CT45A1: variants seen among roughly 807,000 people sequenced by gnomAD.
CT45A1 encodes cancer/testis antigen family 45 member A1, also known as cancer/testis antigen 45-1.
chrX:135,713,672 C>T lies in CT45A1; in HGVS notation c.-25C>T. The T allele has an allele frequency of 1.5e-5, 11 of 748,854 alleles. No individual in the cohort carries two copies. In the South Asian group the frequency reaches 7.6e-4, roughly 52 times the overall value. 61.7% of individuals were successfully genotyped at this position (748,854 alleles called of 1,213,427 possible). The stretch of plus-strand genomic sequence containing the variant: ...TTCACTGCCATTTTGTGAGGTGCTG[C>T]TGTCTCTCCTCCAGCAAGGTCAGGA... On this transcript the variant is annotated 5_prime_UTR_variant, in exon 1 of 5. Coordinates refer to ENST00000594565, the MANE Select transcript of CT45A1 (RefSeq NM_001017417.3).
At chrX:135,715,234 TTA>T (rs1190023304) in intron 1 of CT45A1, among the ~76,000 whole-genome samples, 3 of 70,290 alleles carry the variant, frequency 4.3e-5, no homozygotes, top group Admixed American at 2.0e-4. Flanking sequence ...TATATAATAC[TTA>T]TATATATAAT....
chrX:135,712,343 T>G (rs1323342272), upstream of CT45A1, among the ~76,000 whole-genome samples: 1 of 107,099 alleles, frequency 9.3e-6, no homozygotes, highest in Non-Finnish European at 1.9e-5. Context: ...TTGTATCTTG[T>G]GTACAGACGG....
At chrX:135,711,162 A>C (rs2883204), upstream of CT45A1, among the ~76,000 whole-genome samples, 10 of 111,930 alleles carry the variant, frequency 8.9e-5, no homozygotes, top group South Asian at 3.7e-4. Context: ...TCAAATACTC[A>C]TATGAGTACT....
At chrX:135,717,892 A>G (rs2088001333) in intron 1 of CT45A1, among the ~76,000 whole-genome samples, 1 of 111,872 alleles carries the variant, frequency 8.9e-6, no homozygotes, top group Non-Finnish European at 1.9e-5. Context: ...ATTTCTTTCC[A>G]AATTTTAAAC....
chrX:135,718,286 G>A lies in CT45A1; in HGVS notation c.-6-649G>A, dbSNP rs1193144667. 7.2e-5 allele frequency among the ~76,000 whole-genome samples: 8 copies of A among 110,712 alleles called. No individual in the cohort carries two copies. In the East Asian group the frequency reaches 8.5e-4, roughly 12 times the overall value. On this transcript the variant is annotated intron_variant, in intron 1 of 4. Transcript: ENST00000594565. The stretch of plus-strand genomic sequence containing the variant: ...ATGTATGTCCTTTTTAAGTACTATT[G>A]CATTTTATTTGCTCACCCTTAGTTT...
chrX:135,712,911 TTTC>T (rs1556570011), upstream of CT45A1, among the ~76,000 whole-genome samples: 13 of 108,007 alleles, frequency 1.2e-4, no homozygotes, highest in Non-Finnish European at 2.3e-4. Flanking sequence ...TTCTTCTTTC[TTTC>T]TTTCTTTTCT....
Position 135,715,265 on chromosome X carries a change from CTT to C in CT45A1, c.-7+1576_-7+1577del, listed in dbSNP as rs1491250430. 3.7e-3 allele frequency among the ~76,000 whole-genome samples: 303 copies of C among 80,893 alleles called. 4 individuals are homozygous for C. Among genetic ancestry groups the C allele is most frequent in the African/African-American group, 0.013 (266 of 21,042 alleles). 70.2% of individuals were successfully genotyped at this position (80,893 alleles called of 115,157 possible). ...ATATAATACTTATATATATATAATA[CTT>C]ATATATATATAATACTTATATATAT... On this transcript the variant is annotated intron_variant, in intron 1 of 4. Coordinates refer to ENST00000594565, the MANE Select transcript of CT45A1 (RefSeq NM_001017417.3).
chrX:135,712,933 CTTT>C (rs1192137434), upstream of CT45A1, among the ~76,000 whole-genome samples: 1 of 81,918 alleles, frequency 1.2e-5, no homozygotes, highest in African/African-American at 4.7e-5. Flanking sequence ...CTTTTCTTTT[CTTT>C]TTTTCTTTCT....
chrX:135,719,286 T>C (rs1324616555), intron 2 of CT45A1, among the ~76,000 whole-genome samples, 177 bp downstream of exon 2: 3 of 19,191 alleles, frequency 1.6e-4, no homozygotes, highest in Non-Finnish European at 9.8e-5. Context: ...TCCGACAATC[T>C]TTTTTTTTTT....
intron 1 of CT45A1, among the ~76,000 whole-genome samples, chrX:135,715,857 C>G (rs1424780689): frequency 3.8e-5 from 4 of 105,601 alleles, no homozygotes; most frequent in Non-Finnish European, 7.7e-5. Context: ...TCCCCAGCCC[C>G]CCTCCCCCAA....
At chrX:135,711,909 T>C (rs75109436), upstream of CT45A1, among the ~76,000 whole-genome samples, 3 of 110,065 alleles carry the variant, frequency 2.7e-5, no homozygotes, top group African/African-American at 9.9e-5. Flanking sequence ...GGTGAAACAC[T>C]GTCTCTACTA....
At chrX:135,712,982 C>CCTTCCT (rs1556570113), upstream of CT45A1, among the ~76,000 whole-genome samples, 21 of 7,489 alleles carry the variant, frequency 2.8e-3, no homozygotes, top group Admixed American at 4.2e-3. Flanking sequence ...TCTTTTCTTT[C>CCTTCCT]TCCTTCCTTC....
At chrX:135,715,599 T>TTA (rs1367003651) in intron 1 of CT45A1, among the ~76,000 whole-genome samples, 52 of 67,010 alleles carry the variant, frequency 7.8e-4, no homozygotes, top group Middle Eastern at 7.5e-3. Context: ...TATATAATAC[T>TTA]TATATATAAT....
chrX:135,714,838 T>G (rs782023571), intron 1 of CT45A1, among the ~76,000 whole-genome samples: 6 of 108,723 alleles, frequency 5.5e-5, no homozygotes, highest in African/African-American at 2.0e-4. Context: ...ATTTATTGTT[T>G]TTTTTTTTTT....
chrX:135,711,017 G>A (rs1484207264), upstream of CT45A1, among the ~76,000 whole-genome samples: 5 of 111,906 alleles, frequency 4.5e-5, no homozygotes, highest in Non-Finnish European at 7.5e-5. Context: ...TTCCCTCTGG[G>A]AGGATTTCCC....
chrX:135,709,026 GACCC>G (rs1556568883), upstream of CT45A1, among the ~76,000 whole-genome samples: 16 of 111,075 alleles, frequency 1.4e-4, no homozygotes, highest in African/African-American at 4.9e-4. Flanking sequence ...TTTCTAGCTG[GACCC>G]AAACTCTTCT....
upstream of CT45A1, among the ~76,000 whole-genome samples, chrX:135,712,749 C>T (rs1460949053): frequency 9.3e-6 from 1 of 107,522 alleles, no homozygotes; most frequent in Non-Finnish European, 1.9e-5. Flanking sequence ...AGGCTGGTCC[C>T]GAACTCCTGA....
chrX:135,716,526 T>G (rs1465360454), intron 1 of CT45A1, among the ~76,000 whole-genome samples: 2 of 111,604 alleles, frequency 1.8e-5, no homozygotes, highest in African/African-American at 6.5e-5. Context: ...TGTTGCCAGA[T>G]AAATATGTAT....
upstream of CT45A1, among the ~76,000 whole-genome samples, chrX:135,710,717 A>G (rs1363909661): frequency 8.9e-6 from 1 of 112,416 alleles, no homozygotes; most frequent in African/African-American, 3.2e-5. Flanking sequence ...AGGCTAATTA[A>G]TATGTAGATA....
Sources: gnomAD v4.1 joint callset for allele counts (sites outside exome capture counted in the v4.1 genomes callset) on GRCh38, gnomAD v4.1.1 for gene constraint, MANE v1.5 for transcripts, NCBI Gene and HGNC (gene_info 2026-07-23, HGNC 2026-07-21) for gene names.